HECW2: variants seen among roughly 807,000 people sequenced by gnomAD.
The protein encoded by HECW2 is E3 ubiquitin-protein ligase HECW2.
In HECW2, 61 loss-of-function variants were observed where a neutral mutation model predicts 175.2. The observed-to-expected ratio is 0.35, with a 90% CI of 0.28 to 0.43. The LOEUF (loss-of-function observed/expected upper bound fraction) is 0.43. Among genes scored for constraint, HECW2 ranks in the 20% least tolerant of loss-of-function variants. The probability of loss-of-function intolerance (pLI) is 1.00; values close to 1 mark genes in which losing one functional copy is unlikely to be tolerated. For synonymous variants in HECW2, 671 were observed against 731.0 expected (o/e 0.92, Z 1.32); for missense variants, 1,524 against 2,000.5 (o/e 0.76, Z 4.54).
chr2:196,415,261 A>G (rs1459418890), intron 2 of HECW2, among the ~76,000 whole-genome samples: 1 of 152,196 alleles, frequency 6.6e-6, no homozygotes, highest in Non-Finnish European at 1.5e-5. Flanking sequence ...CTGGATGTGC[A>G]TGTTAAAAGT....
chr2:196,579,243 GA>G lies in HECW2; in HGVS notation c.-36+14264del, dbSNP rs1208322428. On this transcript the variant is annotated intron_variant, in intron 1 of 28. Coordinates refer to ENST00000644978, the MANE Select transcript of HECW2 (RefSeq NM_001348768.2). ...CAGGAATTATGGAGTAAACACCTAT[GA>G]AAATCTCCTCCTCCAGAAAAATATC... Among the ~76,000 whole-genome samples, 5 of 152,060 alleles carry G rather than the reference GA, an allele frequency of 3.3e-5. No individual in the cohort carries two copies. The East Asian group carries it at 9.6e-4, about 29-fold the overall frequency.
chr2:196,299,329 T>TAAAA (rs11368645), intron 13 of HECW2, among the ~76,000 whole-genome samples: 1 of 144,564 alleles, frequency 6.9e-6, no homozygotes, highest in African/African-American at 2.5e-5. Flanking sequence ...CAAAATAAGT[T>TAAAA]AAAAAAAAAA....
intron 3 of HECW2, 34 bp downstream of exon 3, chr2:196,343,623 A>C: frequency 7.5e-7 from 1 of 1,333,880 alleles, no homozygotes; most frequent in Admixed American, 1.7e-5. Context: ...GCAATGTTCA[A>C]TAATAAGTTT....
chr2:196,245,327 G>A (rs1688607501), intron 19 of HECW2, among the ~76,000 whole-genome samples: 1 of 152,196 alleles, frequency 6.6e-6, no homozygotes, highest in African/African-American at 2.4e-5. Flanking sequence ...TGCAACTAAA[G>A]AAAATGAAGG....
chr2:196,259,427 G>C (rs1426115815), intron 17 of HECW2, among the ~76,000 whole-genome samples: 1 of 152,196 alleles, frequency 6.6e-6, no homozygotes, highest in Admixed American at 6.5e-5. Flanking sequence ...TAGCCACACA[G>C]CTTATGAGGT....
chr2:196,398,653 A>G (rs1694736938), intron 2 of HECW2, among the ~76,000 whole-genome samples: 1 of 152,120 alleles, frequency 6.6e-6, no homozygotes, highest in Non-Finnish European at 1.5e-5. Context: ...CATGTTATTT[A>G]TGATCCACAC....
At chr2:196,227,977 T>G in intron 22 of HECW2, 125 bp downstream of exon 22, 5 of 773,950 alleles carry the variant, frequency 6.5e-6, no homozygotes, top group Non-Finnish European at 1.0e-5. Flanking sequence ...TCAAATGAGG[T>G]ATTTAACTGA....
At chr2:196,292,443 G>A (rs1690635672) in intron 14 of HECW2, 122 bp downstream of exon 14, 2 of 784,710 alleles carry the variant, frequency 2.5e-6, no homozygotes, top group South Asian at 3.6e-5. Flanking sequence ...CACTTGAACA[G>A]AAGGTGGAAT....
chr2:196,458,382 A>T (rs1696597570), intron 1 of HECW2, among the ~76,000 whole-genome samples: 1 of 152,138 alleles, frequency 6.6e-6, no homozygotes, highest in South Asian at 2.1e-4. Context: ...GAAAGGTCTC[A>T]TAATGCTGGG....
chr2:196,541,359 C>A lies in HECW2; in HGVS notation c.-36+52149G>T, dbSNP rs1037895402. Among the ~76,000 whole-genome samples, 3 of 151,974 alleles carry A rather than the reference C, an allele frequency of 2.0e-5. No individual in the cohort carries two copies. The East Asian group carries it at 5.8e-4, about 29-fold the overall frequency. ...AGAGGAAAAGAAAAAGTGATTATAT[C>A]TATGGAAACCAAGTTAGATGCTCTG... On this transcript the variant is annotated intron_variant, in intron 1 of 28. Coordinates refer to ENST00000644978, the MANE Select transcript of HECW2 (RefSeq NM_001348768.2).
intron 2 of HECW2, among the ~76,000 whole-genome samples, chr2:196,394,732 C>T (rs1694612788): frequency 6.6e-6 from 1 of 152,160 alleles, no homozygotes; most frequent in African/African-American, 2.4e-5. Context: ...CTAAAAATGT[C>T]TGCCATTCAT....
chr2:196,229,281 T>A (rs1363798710), intron 21 of HECW2, among the ~76,000 whole-genome samples: 2 of 148,650 alleles, frequency 1.3e-5, no homozygotes, highest in Non-Finnish European at 3.0e-5. Context: ...CTTTTTGAAT[T>A]TTTTTTTTGT....
At chr2:196,553,641 G>A (rs1689681299) in intron 1 of HECW2, among the ~76,000 whole-genome samples, 1 of 152,202 alleles carries the variant, frequency 6.6e-6, no homozygotes. Flanking sequence ...GAAAATTGCA[G>A]CAATTTGTTG....
intron 15 of HECW2, among the ~76,000 whole-genome samples, chr2:196,275,421 G>T (rs1689906829): frequency 6.6e-6 from 1 of 152,036 alleles, no homozygotes; most frequent in African/African-American, 2.4e-5. Flanking sequence ...TTATTCATTT[G>T]TAGTAGGGTT....
At chr2:196,362,006 G>A (rs1382266199) in intron 2 of HECW2, 1 of 985,342 alleles carries the variant, frequency 1.0e-6, no homozygotes, top group Non-Finnish European at 1.2e-6. Flanking sequence ...AGCTCTGCAG[G>A]TCCACTTCAC....
intron 2 of HECW2, chr2:196,362,229 T>C (rs1403730191): frequency 1.0e-6 from 1 of 984,138 alleles, no homozygotes; most frequent in African/African-American, 1.8e-5. Context: ...CACACCCCTG[T>C]AAAGGGTACA....
intron 16 of HECW2, among the ~76,000 whole-genome samples, chr2:196,271,695 A>C (rs1454708255): frequency 6.6e-6 from 1 of 152,238 alleles, no homozygotes; most frequent in African/African-American, 2.4e-5. Context: ...ACTTGAGCTC[A>C]GGAGATTAAG....
At chr2:196,213,789 T>C (rs942500438) in intron 28 of HECW2, among the ~76,000 whole-genome samples, 1 of 152,126 alleles carries the variant, frequency 6.6e-6, no homozygotes, top group Non-Finnish European at 1.5e-5. Flanking sequence ...GAAGCAGAAA[T>C]GCAAATCCAG....
intron 1 of HECW2, among the ~76,000 whole-genome samples, chr2:196,472,546 A>G (rs1697252681): frequency 6.6e-6 from 1 of 151,486 alleles, no homozygotes; most frequent in African/African-American, 2.4e-5. Context: ...ACATAGGTCT[A>G]TAGTTACATG....
Sources: gnomAD v4.1 joint callset for allele counts (sites outside exome capture counted in the v4.1 genomes callset) on GRCh38, gnomAD v4.1.1 for gene constraint, MANE v1.5 for transcripts, NCBI Gene and HGNC (gene_info 2026-07-23, HGNC 2026-07-21) for gene names.